ENOX1: variants seen among roughly 807,000 people sequenced by gnomAD.
ENOX1 encodes the protein ecto-NOX disulfide-thiol exchanger 1.
A neutral mutation model predicts 82.5 loss-of-function variants in ENOX1; 42 were observed. That is an observed-to-expected ratio of 0.51 (90% CI 0.40 to 0.66). The LOEUF (loss-of-function observed/expected upper bound fraction) is 0.66, where lower values mean the gene tolerates loss of function less well. Ranked by LOEUF, ENOX1 falls within the 30% of genes least tolerant of loss-of-function variation. The pLI is 0.00. For missense variants in ENOX1, 608 were observed against 811.6 expected (o/e 0.75, Z 3.05); for synonymous variants, 271 against 282.2 (o/e 0.96, Z 0.40).
At chr13:43,307,719 A>C (rs1018193081) in intron 11 of ENOX1, among the ~76,000 whole-genome samples, 1 of 152,196 alleles carries the variant, frequency 6.6e-6, no homozygotes, top group Non-Finnish European at 1.5e-5. Context: ...CAGGAATGAC[A>C]CTGTGACTGA....
At chr13:43,265,355 A>C in intron 14 of ENOX1, 43 bp downstream of exon 14, 1 of 1,563,830 alleles carries the variant, frequency 6.4e-7, no homozygotes, top group Non-Finnish European at 8.8e-7. Flanking sequence ...GTGTTCAACC[A>C]ACGTCAAGCA....
intron 2 of ENOX1, among the ~76,000 whole-genome samples, chr13:43,535,396 T>C (rs912179303): frequency 6.6e-6 from 1 of 152,214 alleles, no homozygotes; most frequent in African/African-American, 2.4e-5. Context: ...CATCTTTTCA[T>C]TTGCCTCTAG....
At chr13:43,392,784 T>C (rs1210946297) in intron 5 of ENOX1, among the ~76,000 whole-genome samples, 1 of 152,262 alleles carries the variant, frequency 6.6e-6, no homozygotes. Context: ...GGTTTCATGT[T>C]TACAAACACA....
At chr13:43,489,655 A>C (rs1014502058) in intron 2 of ENOX1, among the ~76,000 whole-genome samples, 10 of 151,750 alleles carry the variant, frequency 6.6e-5, no homozygotes, top group Non-Finnish European at 1.0e-4. Flanking sequence ...ACAGCATGCA[A>C]CTCCAGCCTG....
At chr13:43,561,155 C>G (rs2079648499) in intron 2 of ENOX1, among the ~76,000 whole-genome samples, 1 of 149,992 alleles carries the variant, frequency 6.7e-6, no homozygotes, top group Non-Finnish European at 1.5e-5. Flanking sequence ...AGTGATTACC[C>G]TAGATTTTAT....
intron 2 of ENOX1, among the ~76,000 whole-genome samples, chr13:43,591,714 A>G (rs11840659): frequency 0.13 from 19,935 of 151,844 alleles, 1,840 homozygotes; most frequent in East Asian, 0.47. Context: ...GGGAACGAGC[A>G]GCAAACCCCA....
rs74338907 is a variant in ENOX1 at position 43,259,928 on chromosome 13, G to A, written c.1611+5470C>T. Among the ~76,000 whole-genome samples the A allele has an allele frequency of 1.7e-3, 265 of 152,250 alleles. 1 individual carries two copies. Among genetic ancestry groups the A allele is most frequent in the African/African-American group, 6.2e-3 (257 of 41,542 alleles). ...GGGAAGAAAGAATCCAGCCTGAGTT[G>A]TTTTTTACCTTTAGAAGATACGGTC... On this transcript the variant is annotated intron_variant, in intron 14 of 16. Transcript: ENST00000690772.
chr13:43,514,332 G>T (rs1414358541), intron 2 of ENOX1, among the ~76,000 whole-genome samples: 1 of 152,132 alleles, frequency 6.6e-6, no homozygotes, highest in Non-Finnish European at 1.5e-5. Context: ...TATATTTCAG[G>T]AAAGAGTCAT....
chr13:43,229,389 G>A (rs1210074789), intron 15 of ENOX1, among the ~76,000 whole-genome samples: 1 of 152,156 alleles, frequency 6.6e-6, no homozygotes, highest in Non-Finnish European at 1.5e-5. Context: ...GCCCGGGGGA[G>A]ACCATTCCAG....
At chr13:43,223,672 G>A (rs147930095) in intron 16 of ENOX1, among the ~76,000 whole-genome samples, 9 of 152,264 alleles carry the variant, frequency 5.9e-5, no homozygotes, top group Non-Finnish European at 8.8e-5. Context: ...CCTCAATTGT[G>A]TGAAGTCCAG....
At chr13:43,701,492 T>C (rs11618336) in intron 1 of ENOX1, among the ~76,000 whole-genome samples, 2,891 of 152,284 alleles carry the variant, frequency 0.019, 40 homozygotes, top group Non-Finnish European at 0.03. Context: ...ATGCAATTAT[T>C]GTGTGTATAC....
intron 2 of ENOX1, among the ~76,000 whole-genome samples, chr13:43,647,924 T>A (rs943933837): frequency 6.6e-6 from 1 of 152,176 alleles, no homozygotes; most frequent in Non-Finnish European, 1.5e-5. Flanking sequence ...CGACCCACCA[T>A]TGCTGGCTTT....
At chr13:43,623,401 C>A (rs1328395510) in intron 2 of ENOX1, among the ~76,000 whole-genome samples, 1 of 152,146 alleles carries the variant, frequency 6.6e-6, no homozygotes, top group Non-Finnish European at 1.5e-5. Context: ...TGCTAGGGGA[C>A]CCAGTGAGTT....
At chr13:43,447,529 C>T (rs1390460778) in intron 3 of ENOX1, among the ~76,000 whole-genome samples, 4 of 151,890 alleles carry the variant, frequency 2.6e-5, no homozygotes, top group Non-Finnish European at 5.9e-5. Flanking sequence ...ACTTACATTC[C>T]CTGTCTACTG....
At chr13:43,665,968 T>C (rs1229474338) in intron 2 of ENOX1, among the ~76,000 whole-genome samples, 1 of 150,648 alleles carries the variant, frequency 6.6e-6, no homozygotes, top group Non-Finnish European at 1.5e-5. Context: ...CAGGCATGCC[T>C]TGAATATATT....
chr13:43,575,913 C>T (rs2080401275), intron 2 of ENOX1, among the ~76,000 whole-genome samples: 1 of 152,276 alleles, frequency 6.6e-6, no homozygotes, highest in Admixed American at 6.5e-5. Flanking sequence ...ATATAAGAAA[C>T]CACATCCTAG....
chr13:43,541,272 G>A (rs2078715364), intron 2 of ENOX1, among the ~76,000 whole-genome samples: 1 of 148,458 alleles, frequency 6.7e-6, no homozygotes, highest in South Asian at 2.2e-4. Flanking sequence ...GCCAGGGCAG[G>A]GGGATTGGTT....
At chr13:43,259,566 C>A (rs1329469382) in intron 14 of ENOX1, among the ~76,000 whole-genome samples, 4 of 152,130 alleles carry the variant, frequency 2.6e-5, no homozygotes, top group Non-Finnish European at 1.5e-5. Flanking sequence ...CCTCGTGAGT[C>A]CCAGTTCAAG....
At chr13:43,459,226 C>T (rs2057358362) in intron 3 of ENOX1, 1 of 152,182 alleles carries the variant, frequency 6.6e-6, no homozygotes, top group South Asian at 2.1e-4. Context: ...TGAATTGCTG[C>T]ATAGTGGATT....
Sources: gnomAD v4.1 joint callset for allele counts (sites outside exome capture counted in the v4.1 genomes callset) on GRCh38, gnomAD v4.1.1 for gene constraint, MANE v1.5 for transcripts, NCBI Gene and HGNC (gene_info 2026-07-23, HGNC 2026-07-21) for gene names.